ADK: variants seen among roughly 807,000 people sequenced by gnomAD.
ADK encodes the protein N6,N6-dimethyladenosine kinase.
A neutral mutation model predicts 44.7 loss-of-function variants in ADK; 24 were observed. That is an observed-to-expected ratio of 0.54 (90% CI 0.39 to 0.76). ADK has a LOEUF of 0.76. ADK is among the 30% of genes least tolerant of loss of function. ADK has a pLI of 0.00. For missense variants in ADK, 321 were observed against 425.1 expected, an observed-to-expected ratio of 0.76 and a Z score of 2.15; for synonymous variants, 128 against 142.6, an observed-to-expected ratio of 0.90 and a Z score of 0.73.
At chr10:74,215,774 T>C (rs910656250) in intron 2 of ADK, among the ~76,000 whole-genome samples, 1 of 151,086 alleles carries the variant, frequency 6.6e-6, no homozygotes, top group African/African-American at 2.4e-5. Flanking sequence ...CACCCCATTC[T>C]CCTGCCTCAG....
At position 74,278,295 on chromosome 10, in the gene ADK, A is replaced by G. The variant is rs548292764; in HGVS notation, c.195-36372A>G. ...CGTGATCCTGAGAGGTGGAAGTTGC[A>G]GTGAGCTGAGATTGCACCACTGCAC... On this transcript the variant is annotated intron_variant, in intron 3 of 10. Transcript: ENST00000539909. Among the ~76,000 whole-genome samples, 10 of 148,248 alleles carry G rather than the reference A, an allele frequency of 6.7e-5. No individual in the cohort carries two copies. The South Asian group carries it at 2.3e-3, about 33-fold the overall frequency.
intron 3 of ADK, among the ~76,000 whole-genome samples, chr10:74,254,445 G>A (rs1845753249): frequency 6.6e-6 from 1 of 151,490 alleles, no homozygotes; most frequent in South Asian, 2.1e-4. Context: ...TTCAGGTTCG[G>A]TTGCTGGATC....
intron 1 of ADK, among the ~76,000 whole-genome samples, chr10:74,184,444 C>T (rs1021128147): frequency 6.6e-6 from 1 of 152,110 alleles, no homozygotes; most frequent in Admixed American, 6.5e-5. Context: ...ATCCTCCCAC[C>T]TCAGCCCTCC....
chr10:74,597,633 G>C (rs1392936964), intron 8 of ADK, among the ~76,000 whole-genome samples: 2 of 152,150 alleles, frequency 1.3e-5, no homozygotes, highest in Non-Finnish European at 2.9e-5. Context: ...TGTACATTGA[G>C]ATTAGGCATT....
chr10:74,514,801 GACATT>G (rs1848496404), intron 6 of ADK, among the ~76,000 whole-genome samples: 1 of 151,440 alleles, frequency 6.6e-6, no homozygotes, highest in African/African-American at 2.4e-5. Context: ...TTTTCCTTTT[GACATT>G]ACATGTTTTC....
At chr10:74,371,685 C>A (rs1592115069) in intron 4 of ADK, 1 of 1,152,334 alleles carries the variant, frequency 8.7e-7, no homozygotes, top group East Asian at 2.3e-5. Flanking sequence ...CATCGTAAAT[C>A]TGAAGAGGAC....
At chr10:74,390,932 C>T (rs1843307826) in intron 4 of ADK, among the ~76,000 whole-genome samples, 1 of 152,134 alleles carries the variant, frequency 6.6e-6, no homozygotes, top group Non-Finnish European at 1.5e-5. Flanking sequence ...GTTAAGATAG[C>T]ATCCCTCAGA....
At chr10:74,334,148 C>T (rs894456549) in intron 4 of ADK, among the ~76,000 whole-genome samples, 1 of 152,012 alleles carries the variant, frequency 6.6e-6, no homozygotes, top group South Asian at 2.1e-4. Context: ...CCCTGTGTCC[C>T]CTTTGTAGTC....
At chr10:74,425,180 G>A (rs879602877) in intron 6 of ADK, among the ~76,000 whole-genome samples, 1 of 152,202 alleles carries the variant, frequency 6.6e-6, no homozygotes, top group African/African-American at 2.4e-5. Context: ...TCAAATAAAT[G>A]TTGGGCTTAA....
chr10:74,350,440 T>G (rs1841926284), intron 4 of ADK, among the ~76,000 whole-genome samples: 1 of 152,182 alleles, frequency 6.6e-6, no homozygotes, highest in Non-Finnish European at 1.5e-5. Flanking sequence ...TTTATAGCAC[T>G]AAGTGCCCAC....
intron 2 of ADK, among the ~76,000 whole-genome samples, chr10:74,221,597 A>G (rs1844311547): frequency 6.7e-6 from 1 of 148,688 alleles, no homozygotes; most frequent in Non-Finnish European, 1.5e-5. Flanking sequence ...AGCTGGAGGC[A>G]TCACGCTACC....
intron 4 of ADK, among the ~76,000 whole-genome samples, chr10:74,358,192 A>G (rs1277077106): frequency 6.6e-6 from 1 of 152,234 alleles, no homozygotes; most frequent in African/African-American, 2.4e-5. Flanking sequence ...ACTCGTTATG[A>G]AATTACCTCA....
intron 5 of ADK, among the ~76,000 whole-genome samples, chr10:74,397,362 T>A (rs1843555761): frequency 6.6e-6 from 1 of 151,954 alleles, no homozygotes; most frequent in Non-Finnish European, 1.5e-5. Flanking sequence ...ATAAGATTTT[T>A]TTTGTAAGCT....
At chr10:74,385,846 C>G (rs146028393) in intron 4 of ADK, among the ~76,000 whole-genome samples, 6 of 152,030 alleles carry the variant, frequency 3.9e-5, no homozygotes, top group Non-Finnish European at 7.4e-5. Flanking sequence ...TAATATTCCC[C>G]GAATCTGTTC....
intron 6 of ADK, among the ~76,000 whole-genome samples, chr10:74,439,338 C>G (rs971506440): frequency 7.9e-5 from 12 of 152,078 alleles, no homozygotes; most frequent in African/African-American, 2.2e-4. Context: ...TTTTCCTTCC[C>G]TGTCTTATCT....
At chr10:74,223,392 T>C (rs1014927717) in intron 2 of ADK, among the ~76,000 whole-genome samples, 7 of 152,144 alleles carry the variant, frequency 4.6e-5, no homozygotes, top group African/African-American at 1.4e-4. Flanking sequence ...TATTGCCCCG[T>C]TGGGGATTAA....
chr10:74,207,312 G>T (rs866825498), intron 2 of ADK, among the ~76,000 whole-genome samples: 2 of 152,318 alleles, frequency 1.3e-5, no homozygotes, highest in Admixed American at 6.5e-5. Context: ...TCTCAGAAGG[G>T]CTGCAGCTCT....
chr10:74,153,337 G>T (rs137866511), intron 1 of ADK, among the ~76,000 whole-genome samples: 1 of 152,152 alleles, frequency 6.6e-6, no homozygotes, highest in Non-Finnish European at 1.5e-5. Flanking sequence ...GAATTCAGGG[G>T]TGCTGCTAAA....
chr10:74,318,890 A>C (rs1840719679), intron 4 of ADK, among the ~76,000 whole-genome samples: 1 of 152,220 alleles, frequency 6.6e-6, no homozygotes, highest in African/African-American at 2.4e-5. Context: ...CTATGTTTAC[A>C]TGCTTTTGTT....
Sources: gnomAD v4.1 joint callset for allele counts (sites outside exome capture counted in the v4.1 genomes callset) on GRCh38, gnomAD v4.1.1 for gene constraint, MANE v1.5 for transcripts, NCBI Gene and HGNC (gene_info 2026-07-23, HGNC 2026-07-21) for gene names.